PRICKLE1: variants seen among roughly 807,000 people sequenced by gnomAD.
The protein encoded by PRICKLE1 is prickle-like protein 1.
Under a neutral mutation model 70.2 loss-of-function variants are expected in PRICKLE1, and 14 were observed. The ratio of observed to expected loss-of-function variants is 0.20; its 90% CI spans 0.13 to 0.31. The LOEUF (loss-of-function observed/expected upper bound fraction) is 0.31, where lower values mean the gene tolerates loss of function less well. Ranked by LOEUF, PRICKLE1 falls within the 10% of genes least tolerant of loss-of-function variation. The pLI, the probability that PRICKLE1 is intolerant of heterozygous loss-of-function variation, is 1.00. For missense variants in PRICKLE1, 821 were observed against 1,026.2 expected, an observed-to-expected ratio of 0.80 and a Z score of 2.73; for synonymous variants, 357 against 379.9, an observed-to-expected ratio of 0.94 and a Z score of 0.70.
chr12:42,584,559 C>T (rs924153011), intron 1 of PRICKLE1: 4 of 150,920 alleles, frequency 2.7e-5, no homozygotes, highest in Non-Finnish European at 5.9e-5. Context: ...TTAAAGGCAA[C>T]AAAAATGGGG....
At chr12:42,573,544 G>A (rs1044376173) in intron 1 of PRICKLE1, among the ~76,000 whole-genome samples, 6 of 152,216 alleles carry the variant, frequency 3.9e-5, no homozygotes, top group African/African-American at 1.4e-4. Flanking sequence ...GAAAGGAAAA[G>A]GAAAGTATGA....
chr12:42,510,693 C>T (rs1398954986), intron 1 of PRICKLE1, among the ~76,000 whole-genome samples: 1 of 151,904 alleles, frequency 6.6e-6, no homozygotes, highest in African/African-American at 2.4e-5. Flanking sequence ...ATGCTATTTT[C>T]CCAAAGATCT....
chr12:42,576,773 C>T (rs1940812386), intron 1 of PRICKLE1, among the ~76,000 whole-genome samples: 1 of 152,210 alleles, frequency 6.6e-6, no homozygotes, highest in African/African-American at 2.4e-5. Flanking sequence ...ACTTTGGGTG[C>T]AGCCTAATTA....
chr12:42,583,483 G>T (rs1940938029), intron 1 of PRICKLE1, among the ~76,000 whole-genome samples: 1 of 152,158 alleles, frequency 6.6e-6, no homozygotes, highest in African/African-American at 2.4e-5. Context: ...TCGCAGTACA[G>T]TACTATGCTA....
chr12:42,480,749 G>C (rs1566093683), intron 1 of PRICKLE1, among the ~76,000 whole-genome samples: 1 of 152,166 alleles, frequency 6.6e-6, no homozygotes, highest in African/African-American at 2.4e-5. Context: ...AGAGTGGACG[G>C]TTTTGCTAGA....
intron 1 of PRICKLE1, among the ~76,000 whole-genome samples, chr12:42,522,132 T>C (rs570904723): frequency 6.6e-6 from 1 of 152,206 alleles, no homozygotes; most frequent in African/African-American, 2.4e-5. Flanking sequence ...CATGCCACCA[T>C]GCCCAACTAA....
intron 7 of PRICKLE1, among the ~76,000 whole-genome samples, chr12:42,461,122 C>A (rs1472779996): frequency 6.6e-6 from 1 of 152,152 alleles, no homozygotes; most frequent in Non-Finnish European, 1.5e-5. Flanking sequence ...CTCAGGTGAT[C>A]CACCCACCTC....
At chr12:42,474,625 A>C (rs1938453300) in intron 1 of PRICKLE1, among the ~76,000 whole-genome samples, 1 of 152,226 alleles carries the variant, frequency 6.6e-6, no homozygotes, top group Non-Finnish European at 1.5e-5. Flanking sequence ...TCAATAAAAA[A>C]GGATGTGTTA....
In PRICKLE1 at chr12:42,460,235, A is replaced by G; in HGVS notation, c.2070T>C (p.Val690=). ...CCTTGGGAGAGTATTTTCTTTCTGT[A>G]ACAAGATTCAGGGCATTGTCGGAGC... ...KSRSDNALNL[V]TERKYSPKDR... is the part of the protein sequence containing the mutation. The change falls in exon 8 of 8, where the codon GTT becomes GTC. Residue 690 remains valine, a synonymous_variant. Transcript: ENST00000345127. 5.0e-6 allele frequency: 8 copies of G among 1,614,090 alleles called. No homozygotes were observed. The highest frequency in any genetic ancestry group is 6.8e-6 in the Non-Finnish European group (8 of 1,180,016).
rs11181513 is a variant in PRICKLE1 at position 42,458,762 on chromosome 12, G to A, written c.*1047C>T. ...GCTGAAAATGAGAAAGGCACCCCCC[G>A]CAGGCAGGGGGAAAAAACCCACTCG... On this transcript the variant is annotated 3_prime_UTR_variant, in exon 8 of 8. Transcript: ENST00000345127. 1,064 of 152,238 alleles carry A rather than the reference G, an allele frequency of 7.0e-3. 5 individuals are homozygous for A. The highest frequency in any genetic ancestry group is 9.9e-3 in the Admixed American group (152 of 15,292). The allele number at this position is 152,238 out of a possible 1,614,324, so 9.4% of individuals were successfully genotyped here. A position where few individuals can be genotyped will look rare whatever the true frequency, so the allele number is the denominator to read the frequency against.
At chr12:42,588,165 G>A (rs1941013582) in intron 1 of PRICKLE1, among the ~76,000 whole-genome samples, 1 of 152,140 alleles carries the variant, frequency 6.6e-6, no homozygotes, top group Non-Finnish European at 1.5e-5. Context: ...ATCTGGAGCC[G>A]GACTACGGCA....
chr12:42,583,312 G>C (rs1225619259), intron 1 of PRICKLE1, among the ~76,000 whole-genome samples: 1 of 152,154 alleles, frequency 6.6e-6, no homozygotes. Flanking sequence ...AGGTGGATGT[G>C]TCTGGCAAGC....
intron 1 of PRICKLE1, among the ~76,000 whole-genome samples, chr12:42,476,582 C>T (rs1420393846): frequency 6.6e-6 from 1 of 152,234 alleles, no homozygotes; most frequent in Admixed American, 6.5e-5. Context: ...TCCCAAAGTG[C>T]TGGGATTACA....
chr12:42,540,462 G>C (rs908562308), intron 1 of PRICKLE1, among the ~76,000 whole-genome samples: 1 of 152,154 alleles, frequency 6.6e-6, no homozygotes, highest in African/African-American at 2.4e-5. Context: ...GGCACTTATA[G>C]TAAACAAATA....
chr12:42,497,317 G>A (rs370480619), intron 1 of PRICKLE1, among the ~76,000 whole-genome samples: 13 of 152,158 alleles, frequency 8.5e-5, no homozygotes, highest in African/African-American at 2.2e-4. Flanking sequence ...AGGCCAGGGC[G>A]GGCGGATCAC....
Position 42,555,100 on chromosome 12 carries a change from C to G in PRICKLE1, c.-49+34365G>C, listed in dbSNP as rs547120744. Among the ~76,000 whole-genome samples, 3 of 152,076 alleles carry G rather than the reference C, an allele frequency of 2.0e-5. No individual in the cohort carries two copies. In the East Asian group the frequency reaches 5.8e-4, roughly 29 times the overall value. ...GGTGGATCACCTGAGGTCAGGAGCTCGAGACCAGACTGGGCAACATGGTGA... is the reference window on the plus strand; with the variant it reads ...GGTGGATCACCTGAGGTCAGGAGCTGGAGACCAGACTGGGCAACATGGTGA... On this transcript the variant is annotated intron_variant, in intron 1 of 7. Coordinates refer to ENST00000345127, the MANE Select transcript of PRICKLE1 (RefSeq NM_153026.3).
chr12:42,479,505 C>T (rs1669921), intron 1 of PRICKLE1, among the ~76,000 whole-genome samples: 119,879 of 152,180 alleles, frequency 0.79, 47,520 homozygotes, highest in African/African-American at 0.85. Flanking sequence ...TCATATAACA[C>T]AGTGATATAA....
At chr12:42,467,540 A>G (rs983847238) in intron 5 of PRICKLE1, among the ~76,000 whole-genome samples, 7 of 152,060 alleles carry the variant, frequency 4.6e-5, no homozygotes, top group Non-Finnish European at 8.8e-5. Context: ...CAGGAATTCG[A>G]GACCAGCCTG....
intron 1 of PRICKLE1, among the ~76,000 whole-genome samples, chr12:42,513,399 T>C (rs1250838496): frequency 1.3e-5 from 2 of 152,182 alleles, no homozygotes; most frequent in African/African-American, 4.8e-5. Flanking sequence ...TCAATTAATA[T>C]TTGTTAAATG....
Sources: allele counts gnomAD v4.1 joint callset (sites outside exome capture counted in the v4.1 genomes callset), GRCh38; gene constraint gnomAD v4.1.1; transcripts MANE v1.5; gene names NCBI Gene and HGNC (gene_info 2026-07-23, HGNC 2026-07-21).